Variants in RBM28 observed in about 807,000 individuals in gnomAD.
RBM28 encodes the protein RNA-binding protein 28.
RBM28 carries 78 observed loss-of-function variants against 98.3 expected under a neutral mutation model. That is an observed-to-expected ratio of 0.79 (90% CI 0.66 to 0.96). The LOEUF is 0.96. Ranked by LOEUF, RBM28 falls within the 40% of genes least tolerant of loss-of-function variation. The probability of loss-of-function intolerance (pLI) is 0.00; values close to 1 mark genes in which losing one functional copy is unlikely to be tolerated. For synonymous variants in RBM28, 306 were observed against 330.9 expected (o/e 0.92, Z 0.82); for missense variants, 838 against 913.0 (o/e 0.92, Z 1.06).
intron 18 of RBM28, among the ~76,000 whole-genome samples, chr7:128,312,861 T>C (rs147271454): frequency 2.6e-4 from 39 of 152,330 alleles, no homozygotes; most frequent in African/African-American, 8.7e-4. Flanking sequence ...TTCTGAGCAA[T>C]ATGTTTCATT....
At chr7:128,312,185 G>A (rs1481033348) in intron 18 of RBM28, among the ~76,000 whole-genome samples, 2 of 152,156 alleles carry the variant, frequency 1.3e-5, no homozygotes, top group East Asian at 3.9e-4. Flanking sequence ...TTGGGAGGCC[G>A]AGGCAGGCGA....
At chr7:128,328,780 A>G (rs1796408136) in intron 10 of RBM28, among the ~76,000 whole-genome samples, 1 of 152,194 alleles carries the variant, frequency 6.6e-6, no homozygotes, top group Non-Finnish European at 1.5e-5. Flanking sequence ...ATAACTAAAC[A>G]TGAGAGCTGC....
At chr7:128,317,558 ACCTAACTGAGG>A in intron 16 of RBM28, 90 bp downstream of exon 16, 1 of 934,064 alleles carries the variant, frequency 1.1e-6, no homozygotes, top group Non-Finnish European at 1.7e-6. Context: ...GAGCAAAAAA[ACCTAACTGAGG>A]GGAGAACTAC....
chr7:128,320,343 C>A (rs1231213334), intron 14 of RBM28, among the ~76,000 whole-genome samples: 1 of 91,064 alleles, frequency 1.1e-5, no homozygotes, highest in Non-Finnish European at 2.1e-5. Context: ...GGGGGGGTGG[C>A]GGTTTGCAGT....
chr7:128,339,631 A>T lies in RBM28; in HGVS notation c.277+2T>A. ...AACTTCCTTCAATTACTAGAAACTC[A>T]CCATTTTTCCCCTTTTCCTTTGTCT... is the stretch of plus-strand genomic sequence containing the variant. On this transcript the variant is annotated splice_donor_variant, in intron 2 of 18. Coordinates refer to ENST00000223073, the MANE Select transcript of RBM28 (RefSeq NM_018077.3). LOFTEE classifies it high-confidence loss of function. 1 of 1,613,784 alleles carries T rather than the reference A, an allele frequency of 6.2e-7. No homozygotes were observed. Among genetic ancestry groups the T allele is most frequent in the African/African-American group, 1.3e-5 (1 of 74,994 alleles).
Position 128,338,715 on chromosome 7 carries a change from T to C in RBM28, c.448+11A>G. On this transcript the variant is annotated intron_variant, in intron 4 of 18. Coordinates refer to ENST00000223073, the MANE Select transcript of RBM28 (RefSeq NM_018077.3). ...TAACGTAATCCACACCAAGTGAAGGTTTATTAGTACCTGGTTTCCTAGGGA... is the reference window on the plus strand; with the variant it reads ...TAACGTAATCCACACCAAGTGAAGGCTTATTAGTACCTGGTTTCCTAGGGA... 6.4e-7 allele frequency: 1 copy of C among 1,556,974 alleles called. No homozygotes were observed. The highest frequency in any genetic ancestry group is 8.9e-7 in the Non-Finnish European group (1 of 1,128,008).
At position 128,308,060 on chromosome 7, in the gene RBM28, C is replaced by T. The variant is rs1179371658; in HGVS notation, c.*2737G>A. The stretch of plus-strand genomic sequence containing the variant: ...GGAGAAGTGAGCACAACTCTCACTG[C>T]ACTAAAATTCCCAAGGCAAGGAGTC... On this transcript the variant is annotated 3_prime_UTR_variant, in exon 19 of 19. Coordinates refer to ENST00000223073, the MANE Select transcript of RBM28 (RefSeq NM_018077.3). 6.6e-6 allele frequency: 1 copy of T among 152,190 alleles called. No homozygotes were observed. Among genetic ancestry groups the T allele is most frequent in the Non-Finnish European group, 1.5e-5 (1 of 68,026 alleles). The allele number at this position is 152,190 out of a possible 1,614,324, so 9.4% of individuals were successfully genotyped here. A position where few individuals can be genotyped will look rare whatever the true frequency, so the allele number is the denominator to read the frequency against.
In RBM28 at chr7:128,302,117, T is replaced by G. The variant is rs1342169381; in HGVS notation, c.*8680A>C. On this transcript the variant is annotated 3_prime_UTR_variant, in exon 19 of 19. Coordinates refer to ENST00000223073, the MANE Select transcript of RBM28 (RefSeq NM_018077.3). ...CAGCACATGCCTGACACATAGTAGG[T>G]GCTCAGTAATTGTTAGCTGTTGTTA... is the stretch of plus-strand genomic sequence containing the variant. The G allele has an allele frequency of 2.0e-5, 3 of 152,202 alleles. No individual in the cohort carries two copies. Among genetic ancestry groups the G allele is most frequent in the Non-Finnish European group, 2.9e-5 (2 of 68,040 alleles). 9.4% of individuals were successfully genotyped at this position (152,202 alleles called of 1,614,324 possible). A position where few individuals can be genotyped will look rare whatever the true frequency, so the allele number is the denominator to read the frequency against.
In RBM28 at chr7:128,325,808, T is replaced by C. The variant is rs1796336927; in HGVS notation, c.1203+10A>G. The C allele has an allele frequency of 6.2e-7, 1 of 1,605,878 alleles. No individual in the cohort carries two copies. Among genetic ancestry groups the C allele is most frequent in the Non-Finnish European group, 8.5e-7 (1 of 1,172,832 alleles). On this transcript the variant is annotated intron_variant, in intron 11 of 18. Transcript: ENST00000223073. ...CCTGTGTTATAAGGTAAAGGAAATA[T>C]CTTCCTTACCTCATTCTCTGGAGAA...
At chr7:128,325,084 C>T (rs949818768) in intron 11 of RBM28, among the ~76,000 whole-genome samples, 4 of 151,890 alleles carry the variant, frequency 2.6e-5, no homozygotes, top group African/African-American at 4.8e-5. Context: ...AACTAAGCAC[C>T]TGACAAGAAC....
chr7:128,316,578 T>G (rs1796112672), intron 16 of RBM28, among the ~76,000 whole-genome samples: 1 of 152,130 alleles, frequency 6.6e-6, no homozygotes, highest in African/African-American at 2.4e-5. Flanking sequence ...CCGGGTATGG[T>G]GGTGTGCACC....
chr7:128,319,396 C>G (rs1034140725), intron 14 of RBM28, among the ~76,000 whole-genome samples: 1 of 152,148 alleles, frequency 6.6e-6, no homozygotes, highest in Non-Finnish European at 1.5e-5. Flanking sequence ...TATGTAGGCA[C>G]TAAGTATTCG....
Position 128,339,691 on chromosome 7 carries a change from G to T in RBM28, c.219C>A (p.Ile73=). The stretch of plus-strand genomic sequence containing the variant: ...GTTTTTTCTTGGCAACAGTCACGTT[G>T]ATCTTGCAACCTTCAAAGGTGGTAA... ...KEITTFEGCK[I]NVTVAKKKLR... The change falls in exon 2 of 19, where the codon ATC becomes ATA. Residue 73 remains isoleucine, a synonymous_variant. Transcript: ENST00000223073. 1 of 1,613,932 alleles carries T rather than the reference G, an allele frequency of 6.2e-7. No individual in the cohort carries two copies. Among genetic ancestry groups the T allele is most frequent in the Non-Finnish European group, 8.5e-7 (1 of 1,179,932 alleles).
rs757833270 is a variant in RBM28, at chr7:128,333,378, AAAC to A, written c.947-19_947-17del. 1.9e-6 allele frequency: 3 copies of A among 1,552,862 alleles called. No individual in the cohort carries two copies. Among genetic ancestry groups the A allele is most frequent in the African/African-American group, 2.7e-5 (2 of 73,474 alleles). ...ACTTGCACAGCTAAGGTAAAAAGAA[AAAC>A]AACAAACTGAAAGAGATTAGTGTAA... On this transcript the variant is annotated splice_polypyrimidine_tract_variant and intron_variant, in intron 8 of 18. Coordinates refer to ENST00000223073, the MANE Select transcript of RBM28 (RefSeq NM_018077.3).
chr7:128,342,482 G>A (rs1796747290), intron 1 of RBM28, among the ~76,000 whole-genome samples: 1 of 152,064 alleles, frequency 6.6e-6, no homozygotes, highest in East Asian at 1.9e-4. Context: ...TCGAGTTCCA[G>A]ACAACCCTGG....
chr7:128,341,047 T>C (rs1028748790), intron 1 of RBM28: 2 of 932,154 alleles, frequency 2.1e-6, no homozygotes, highest in Admixed American at 6.1e-5. Context: ...GTTTAACATT[T>C]TGTATAGTAA....
intron 17 of RBM28, among the ~76,000 whole-genome samples, chr7:128,314,555 G>C (rs987028834): frequency 2.0e-5 from 3 of 152,208 alleles, no homozygotes; most frequent in African/African-American, 7.2e-5. Context: ...GGGCACAAAA[G>C]CCTGCCCTAG....
chr7:128,316,379 T>C (rs985326234), intron 16 of RBM28, among the ~76,000 whole-genome samples: 29 of 152,176 alleles, frequency 1.9e-4, no homozygotes, highest in African/African-American at 6.5e-4. Flanking sequence ...ACAGTATGAA[T>C]ATAAATCCAG....
chr7:128,321,995 C>T (rs1476455141), intron 13 of RBM28, among the ~76,000 whole-genome samples: 1 of 151,528 alleles, frequency 6.6e-6, no homozygotes, highest in Non-Finnish European at 1.5e-5. Context: ...TTGTGGTGAG[C>T]CAGGATCGTG....
Sources: allele counts gnomAD v4.1 joint callset (sites outside exome capture counted in the v4.1 genomes callset), GRCh38; gene constraint gnomAD v4.1.1; transcripts MANE v1.5; gene names NCBI Gene and HGNC (gene_info 2026-07-23, HGNC 2026-07-21).